WASHC4: variants seen among roughly 807,000 people sequenced by gnomAD.
The protein encoded by WASHC4 is WASH complex subunit 4, also known as WASH complex subunit 7.
WASHC4 carries 86 observed loss-of-function variants against 166.6 expected under a neutral mutation model. The ratio of observed to expected loss-of-function variants is 0.52; its 90% CI spans 0.43 to 0.62. The LOEUF is 0.62. Ranked by LOEUF, WASHC4 falls within the 20% of genes least tolerant of loss-of-function variation. WASHC4 has a pLI of 0.00. For synonymous variants in WASHC4, 446 were observed against 451.6 expected (o/e 0.99, Z 0.16); for missense variants, 1,262 against 1,382.4 (o/e 0.91, Z 1.38).
intron 1 of WASHC4, among the ~76,000 whole-genome samples, chr12:105,108,161 G>T (rs991396116): frequency 6.6e-6 from 1 of 152,198 alleles, no homozygotes; most frequent in African/African-American, 2.4e-5. Flanking sequence ...GGCTTGGGCG[G>T]GGCGCGCCCG....
chr12:105,120,512 C>CA (rs1166384394), intron 7 of WASHC4, 43 bp from the exon 8 acceptor site: 1 of 1,218,678 alleles, frequency 8.2e-7, no homozygotes, highest in South Asian at 1.2e-5. Context: ...TAAACTATGA[C>CA]AAAAAGGAAG....
intron 26 of WASHC4, 62 bp downstream of exon 26, chr12:105,152,513 T>C: frequency 2.2e-6 from 2 of 928,518 alleles, no homozygotes; most frequent in Non-Finnish European, 3.6e-6. Flanking sequence ...TCTCATATAT[T>C]AACTATTTCA....
At chr12:105,111,103 C>G (rs373669216) in intron 1 of WASHC4, 22 bp from the exon 2 acceptor site, 1 of 1,572,162 alleles carries the variant, frequency 6.4e-7, no homozygotes, top group Non-Finnish European at 8.7e-7. Context: ...TTATCACATA[C>G]TGTTTTAAAA....
At chr12:105,145,763 T>C (rs1883238975) in intron 22 of WASHC4, among the ~76,000 whole-genome samples, 1 of 152,108 alleles carries the variant, frequency 6.6e-6, no homozygotes, top group African/African-American at 2.4e-5. Flanking sequence ...TGAGCTCTAA[T>C]TAGAAAAAAC....
At chr12:105,132,077 C>T (rs1881874980) in intron 13 of WASHC4, among the ~76,000 whole-genome samples, 1 of 152,206 alleles carries the variant, frequency 6.6e-6, no homozygotes, top group African/African-American at 2.4e-5. Context: ...TGGGACATTT[C>T]TTTACCCTGT....
At chr12:105,141,369 C>G in intron 18 of WASHC4, 123 bp downstream of exon 18, 1 of 797,630 alleles carries the variant, frequency 1.3e-6, no homozygotes, top group Non-Finnish European at 2.2e-6. Context: ...CTTTCTGTAA[C>G]TTCTTTAGCA....
Position 105,166,872 on chromosome 12 carries a change from A to G in WASHC4, c.3463A>G (p.Lys1155Glu), listed in dbSNP as rs1327612703. The G allele has an allele frequency of 6.2e-7, 1 of 1,601,476 alleles. No individual in the cohort carries two copies. The highest frequency in any genetic ancestry group is 1.1e-5 in the South Asian group (1 of 90,942). The stretch of plus-strand genomic sequence containing the variant: ...TTCACTCATGCTTTCAGAAGAAACT[A>G]AAACAAGCAATGGAGACCTGTCTGA... Reference protein sequence around the residue: ...QEKKEKEEETKTSNGDLSDST... With the variant: ...QEKKEKEEETETSNGDLSDST... The change falls in exon 33 of 33, where the codon AAA (lysine) becomes GAA (glutamate). Residue 1155 changes from lysine to glutamate, a missense_variant. Lys to Glu is a moderately conservative substitution (Grantham distance 56). Coordinates refer to ENST00000332180, the MANE Select transcript of WASHC4 (RefSeq NM_015275.3).
At chr12:105,154,321 G>C (rs1035747951) in intron 26 of WASHC4, among the ~76,000 whole-genome samples, 1 of 152,120 alleles carries the variant, frequency 6.6e-6, no homozygotes, top group Admixed American at 6.5e-5. Flanking sequence ...GAGCCACTGC[G>C]CCCGGCCAAT....
rs201428088 is a variant in WASHC4 at position 105,140,349 on chromosome 12, A to G, written c.1508A>G (p.His503Arg). The G allele has an allele frequency of 4.4e-4, 718 of 1,613,874 alleles. 1 individual carries two copies. Among genetic ancestry groups the G allele is most frequent in the Non-Finnish European group, 5.9e-4 (692 of 1,179,862 alleles). ...RSMVVADSVS[H>R]ITQHLQHQAL... is the part of the protein sequence containing the mutation. ...ATGGTTGTGGCTGATTCAGTTTCAC[A>G]TATAACACAGCACCTTCAACATCAG... Residue 503 changes from histidine to arginine, a missense_variant, in exon 16 of 33, where the codon CAT (histidine) becomes CGT (arginine). His to Arg is a conservative substitution (Grantham distance 29). Coordinates refer to ENST00000332180, the MANE Select transcript of WASHC4 (RefSeq NM_015275.3).
chr12:105,139,093 A>G (rs1248156325), intron 15 of WASHC4, among the ~76,000 whole-genome samples: 1 of 152,168 alleles, frequency 6.6e-6, no homozygotes, highest in African/African-American at 2.4e-5. Flanking sequence ...AGTTTATATT[A>G]GTGGAGCAGT....
chr12:105,158,072 AAATC>A (rs1341936201), intron 28 of WASHC4, among the ~76,000 whole-genome samples: 4 of 152,236 alleles, frequency 2.6e-5, no homozygotes, highest in Admixed American at 1.3e-4. Flanking sequence ...TGAATAAAAA[AAATC>A]AATGAGTCAT....
At chr12:105,146,912 A>G in intron 23 of WASHC4, 130 bp from the exon 24 acceptor site, 1 of 707,814 alleles carries the variant, frequency 1.4e-6, no homozygotes, top group Non-Finnish European at 2.6e-6. Context: ...ACTCACCTGT[A>G]CTGTCTTGAT....
chr12:105,132,941 CTCTT>C (rs1881993621), intron 13 of WASHC4, among the ~76,000 whole-genome samples: 1 of 152,024 alleles, frequency 6.6e-6, no homozygotes. Context: ...GGCTGTCATC[CTCTT>C]TCTTCTGCAT....
At chr12:105,126,991 A>C (rs1881346597) in intron 12 of WASHC4, 138 bp from the exon 13 acceptor site, 1 of 720,176 alleles carries the variant, frequency 1.4e-6, no homozygotes, top group Admixed American at 2.5e-5. Context: ...TATTTGTCTC[A>C]TAATATATTA....
chr12:105,149,902 G>A (rs1883599724), intron 25 of WASHC4, among the ~76,000 whole-genome samples, 153 bp downstream of exon 25: 1 of 151,978 alleles, frequency 6.6e-6, no homozygotes, highest in Admixed American at 6.6e-5. Flanking sequence ...CTTAAGGTAA[G>A]GAAAAAATTA....
intron 7 of WASHC4, among the ~76,000 whole-genome samples, chr12:105,119,792 A>G (rs1592850482): frequency 6.6e-6 from 1 of 152,360 alleles, no homozygotes; most frequent in East Asian, 1.9e-4. Context: ...TATAAGCACT[A>G]TTTAAAACTT....
At chr12:105,110,575 C>CT (rs1879584598) in intron 1 of WASHC4, among the ~76,000 whole-genome samples, 1 of 152,084 alleles carries the variant, frequency 6.6e-6, no homozygotes, top group South Asian at 2.1e-4. Flanking sequence ...AATAATTTAA[C>CT]AAATATCTTG....
intron 20 of WASHC4, among the ~76,000 whole-genome samples, 168 bp downstream of exon 20, chr12:105,143,411 G>A (rs927125674): frequency 1.3e-5 from 2 of 151,976 alleles, no homozygotes; most frequent in Non-Finnish European, 2.9e-5. Flanking sequence ...TAATTGGTCT[G>A]TAATTCATTT....
rs958989660 is a variant in WASHC4 at position 105,169,107 on chromosome 12, C to T, written c.*2176C>T. On this transcript the variant is annotated 3_prime_UTR_variant, in exon 33 of 33. Coordinates refer to ENST00000332180, the MANE Select transcript of WASHC4 (RefSeq NM_015275.3). ...AGAGAATATAATGTGTATACTAAAA[C>T]ATTAATAAACATAATTTTGAAAATT... 2.6e-5 allele frequency: 4 copies of T among 152,652 alleles called. No individual in the cohort carries two copies. The South Asian group carries it at 6.2e-4, about 24-fold the overall frequency. The allele number at this position is 152,652 out of a possible 1,614,324, so 9.5% of individuals were successfully genotyped here.
Sources: allele counts gnomAD v4.1 joint callset (sites outside exome capture counted in the v4.1 genomes callset), GRCh38; gene constraint gnomAD v4.1.1; transcripts MANE v1.5; gene names NCBI Gene and HGNC (gene_info 2026-07-23, HGNC 2026-07-21).